The following LRRC7 variants were observed in gnomAD, a reference collection of about 807,000 sequenced individuals.
LRRC7 encodes the protein leucine-rich repeat-containing protein 7.
Under a neutral mutation model 175.7 loss-of-function variants are expected in LRRC7, and 23 were observed. That is an observed-to-expected ratio of 0.13 (90% CI 0.09 to 0.19). The LOEUF (loss-of-function observed/expected upper bound fraction) is 0.19. Among genes scored for constraint, LRRC7 ranks in the 10% least tolerant of loss-of-function variants. LRRC7 has a pLI of 1.00. For missense variants in LRRC7, 1,354 were observed against 1,904.7 expected (o/e 0.71, Z 5.38); for synonymous variants, 685 against 680.9 (o/e 1.01, Z -0.09).
chr1:69,632,731 C>T (rs931978431), intron 1 of LRRC7, among the ~76,000 whole-genome samples: 28 of 151,938 alleles, frequency 1.8e-4, no homozygotes, highest in African/African-American at 4.3e-4. Flanking sequence ...AAGCAAGTAC[C>T]GAATTTATCT....
chr1:69,809,278 A>G (rs1247660154), intron 4 of LRRC7, among the ~76,000 whole-genome samples: 2 of 152,342 alleles, frequency 1.3e-5, no homozygotes, highest in South Asian at 2.1e-4. Context: ...TGAGGCAATA[A>G]TTAATAGCCT....
intron 2 of LRRC7, among the ~76,000 whole-genome samples, chr1:69,738,513 T>C (rs369040268): frequency 6.6e-6 from 1 of 152,220 alleles, no homozygotes. Flanking sequence ...AACTTGAAAC[T>C]CTTTAAAATA....
In LRRC7 at chr1:69,962,994, T is replaced by TA. The variant is rs1030028560; in HGVS notation, c.712-17376dup. Among the ~76,000 whole-genome samples the TA allele has an allele frequency of 2.3e-4, 34 of 150,854 alleles. 1 individual carries two copies. Among genetic ancestry groups the TA allele is most frequent in the South Asian group, 1.0e-3 (5 of 4,772 alleles). The stretch of plus-strand genomic sequence containing the variant: ...ACCCCGAACTTAAAATAAAAGTTTT[T>TA]AAAAAAAAACAAGAAGAAGAAGAAC... On this transcript the variant is annotated intron_variant, in intron 8 of 26. Transcript: ENST00000651989.
rs1284751263 is a variant in LRRC7 at position 70,036,227 on chromosome 1, A to T, written c.2102A>T (p.Lys701Ile). ...AAACTTGTTCTGCTAGGGAAGGACA[A>T]AAAAGGTAACACTGTGAACCCAATG... is the stretch of plus-strand genomic sequence containing the variant. ...PPKLVLLGKD[K>I]KESTDESEVD... Residue 701 changes from lysine to isoleucine, a missense_variant, in exon 19 of 27, where the codon AAA (lysine) becomes ATA (isoleucine). Transcript: ENST00000651989. 1 of 1,611,382 alleles carries T rather than the reference A, an allele frequency of 6.2e-7. No homozygotes were observed. Among genetic ancestry groups the T allele is most frequent in the Non-Finnish European group, 8.5e-7 (1 of 1,178,840 alleles).
intron 1 of LRRC7, among the ~76,000 whole-genome samples, chr1:69,588,320 A>G (rs1646484418): frequency 6.6e-6 from 1 of 152,180 alleles, no homozygotes; most frequent in African/African-American, 2.4e-5. Flanking sequence ...AACATACATT[A>G]TCTATTCAGT....
chr1:69,971,253 C>A (rs1160326413), intron 8 of LRRC7, among the ~76,000 whole-genome samples: 1 of 152,028 alleles, frequency 6.6e-6, no homozygotes, highest in African/African-American at 2.4e-5. Context: ...TCCTTTTCAC[C>A]ATAGTATTAT....
intron 25 of LRRC7, among the ~76,000 whole-genome samples, chr1:70,103,513 C>T (rs1316146943): frequency 1.3e-5 from 2 of 152,074 alleles, no homozygotes; most frequent in Non-Finnish European, 2.9e-5. Context: ...GTGGACATTT[C>T]CTAGAAGCTA....
At chr1:69,726,797 GAA>G (rs897200969) in intron 2 of LRRC7, among the ~76,000 whole-genome samples, 2 of 151,970 alleles carry the variant, frequency 1.3e-5, no homozygotes, top group Non-Finnish European at 2.9e-5. Context: ...GAATACCAAG[GAA>G]AAAATAACAG....
intron 1 of LRRC7, among the ~76,000 whole-genome samples, chr1:69,630,024 T>C (rs935257225): frequency 1.1e-4 from 17 of 152,106 alleles, no homozygotes; most frequent in African/African-American, 3.9e-4. Context: ...ACCTATCCTC[T>C]TTTTTTCCCT....
At chr1:69,892,388 G>A (rs1645861663) in intron 7 of LRRC7, among the ~76,000 whole-genome samples, 1 of 152,090 alleles carries the variant, frequency 6.6e-6, no homozygotes, top group Admixed American at 6.5e-5. Flanking sequence ...GGACACAGTT[G>A]GTACTCAAGG....
At chr1:69,570,682 TTTTG>T (rs1241711340) in intron 1 of LRRC7, among the ~76,000 whole-genome samples, 7 of 151,376 alleles carry the variant, frequency 4.6e-5, no homozygotes, top group East Asian at 3.9e-4. Context: ...GTTTGTTGTT[TTTTG>T]TTTGTTTGTT....
At chr1:69,879,935 G>C (rs112626938) in intron 7 of LRRC7, 1,714 of 152,294 alleles carry the variant, frequency 0.011, 14 homozygotes, top group Non-Finnish European at 0.015. Context: ...CCTGAAGGTT[G>C]GTCTTGTTTG....
Position 70,138,009 on chromosome 1 carries a change from C to T in LRRC7, c.*16122C>T, listed in dbSNP as rs1280152469. On this transcript the variant is annotated 3_prime_UTR_variant, in exon 27 of 27. Transcript: ENST00000651989. ...CAGGATTAGCCTAGATGTAGAACAG[C>T]GACTGTATAATAAAGTTGAGTTCAA... The T allele has an allele frequency of 1.3e-5, 2 of 152,088 alleles. No individual in the cohort carries two copies. Among genetic ancestry groups the T allele is most frequent in the Admixed American group, 6.6e-5 (1 of 15,260 alleles). 9.4% of individuals were successfully genotyped at this position (152,088 alleles called of 1,614,324 possible). A position where few individuals can be genotyped will look rare whatever the true frequency, so the allele number is the denominator to read the frequency against.
chr1:69,801,258 C>A (rs1009494185), intron 4 of LRRC7, among the ~76,000 whole-genome samples: 1 of 151,660 alleles, frequency 6.6e-6, no homozygotes, highest in Admixed American at 6.6e-5. Flanking sequence ...TTCCTTCCTC[C>A]TCAAGTTTTT....
chr1:69,741,814 C>T (rs1040505538), intron 2 of LRRC7, among the ~76,000 whole-genome samples: 54 of 152,066 alleles, frequency 3.6e-4, no homozygotes, highest in African/African-American at 1.3e-3. Flanking sequence ...GCCACAGCTT[C>T]TTCAGGAGCC....
At chr1:70,041,714 G>A (rs531712005) in intron 21 of LRRC7, among the ~76,000 whole-genome samples, 10 of 152,216 alleles carry the variant, frequency 6.6e-5, no homozygotes, top group Non-Finnish European at 1.5e-4. Context: ...AGGAATGAGT[G>A]AAAACAACTA....
intron 1 of LRRC7, among the ~76,000 whole-genome samples, chr1:69,668,506 T>C (rs965578904): frequency 1.3e-5 from 2 of 152,246 alleles, no homozygotes; most frequent in Non-Finnish European, 2.9e-5. Flanking sequence ...TAGTATTCCA[T>C]GGCGTATATG....
chr1:69,719,612 T>C lies in LRRC7; in HGVS notation c.101-40579T>C, dbSNP rs111827770. ...TCAGAGCATAACAACCACTAAATCT[T>C]TTTAAACTGTTTTTATTTAGAAAGA... On this transcript the variant is annotated intron_variant, in intron 2 of 26. Transcript: ENST00000651989. 7.7e-3 allele frequency among the ~76,000 whole-genome samples: 1,161 copies of C among 151,720 alleles called. 20 individuals are homozygous for C. The highest frequency in any genetic ancestry group is 0.026 in the African/African-American group (1,096 of 41,506).
intron 17 of LRRC7, among the ~76,000 whole-genome samples, chr1:70,024,738 A>G (rs1187250909): frequency 6.6e-6 from 1 of 152,124 alleles, no homozygotes; most frequent in Non-Finnish European, 1.5e-5. Flanking sequence ...GTATTACTTA[A>G]CTATTAGTAT....
Sources: gnomAD v4.1 joint callset for allele counts (sites outside exome capture counted in the v4.1 genomes callset) on GRCh38, gnomAD v4.1.1 for gene constraint, MANE v1.5 for transcripts, NCBI Gene and HGNC (gene_info 2026-07-23, HGNC 2026-07-21) for gene names.